C5: variants seen among roughly 807,000 people sequenced by gnomAD.
C5 encodes complement C5.
C5 carries 140 observed loss-of-function variants against 218.8 expected under a neutral mutation model. The observed-to-expected ratio is 0.64, with a 90% confidence interval of 0.56 to 0.74. The LOEUF is 0.74. Ranked by LOEUF, C5 falls within the 30% of genes least tolerant of loss-of-function variation. The pLI is 0.00. For synonymous variants in C5, 614 were observed against 682.3 expected (o/e 0.90, Z 1.56); for missense variants, 1,700 against 1,969.6 (o/e 0.86, Z 2.59).
intron 24 of C5, among the ~76,000 whole-genome samples, 194 bp from the exon 25 acceptor site, chr9:120,989,315 G>C (rs111963483): frequency 6.6e-6 from 1 of 152,266 alleles, no homozygotes; most frequent in African/African-American, 2.4e-5. Context: ...AGAACATTCT[G>C]ATCTCATTCG....
chr9:121,019,661 G>A (rs1387307041), intron 12 of C5, among the ~76,000 whole-genome samples: 1 of 152,120 alleles, frequency 6.6e-6, no homozygotes, highest in Non-Finnish European at 1.5e-5. Flanking sequence ...GAATAACTAG[G>A]CTCTCTTTGG....
intron 17 of C5, among the ~76,000 whole-genome samples, chr9:121,008,852 C>T (rs1432630646): frequency 6.6e-6 from 1 of 152,044 alleles, no homozygotes; most frequent in East Asian, 1.9e-4. Flanking sequence ...ATCACTTGAA[C>T]CTGGGAGGTA....
the C5 span, among the ~76,000 whole-genome samples, chr9:121,056,645 A>C: frequency 6.6e-6 from 1 of 152,182 alleles, no homozygotes; most frequent in Non-Finnish European, 1.5e-5. Context: ...GAATTTGTGA[A>C]GACAGGCTAT....
chr9:120,960,555 T>A (rs1246784692), intron 37 of C5, among the ~76,000 whole-genome samples: 1 of 152,212 alleles, frequency 6.6e-6, no homozygotes, highest in African/African-American at 2.4e-5. Flanking sequence ...CTTGAGCATG[T>A]CACAAGCTTG....
At chr9:120,977,555 A>G (rs933437826) in intron 28 of C5, among the ~76,000 whole-genome samples, 2 of 152,078 alleles carry the variant, frequency 1.3e-5, no homozygotes, top group Admixed American at 6.5e-5. Context: ...TCTTGGGCTC[A>G]GTGATTCTCC....
At chr9:121,067,288 C>T in the C5 span, among the ~76,000 whole-genome samples, 1 of 151,428 alleles carries the variant, frequency 6.6e-6, no homozygotes, top group Middle Eastern at 3.2e-3. Flanking sequence ...ATAGGCAGGG[C>T]GCGGTGGCTC....
chr9:120,960,177 G>T, intron 38 of C5, 71 bp downstream of exon 38: 2 of 975,922 alleles, frequency 2.0e-6, no homozygotes, highest in South Asian at 1.3e-5. Flanking sequence ...TAAAGTTTTT[G>T]ATCTTTCTAA....
chr9:120,994,454 G>A (rs531051793), intron 22 of C5, among the ~76,000 whole-genome samples: 1 of 152,092 alleles, frequency 6.6e-6, no homozygotes, highest in South Asian at 2.1e-4. Flanking sequence ...ATGGTGGTGA[G>A]TGCTTGTAAT....
chr9:121,021,739 T>C, intron 10 of C5, 45 bp from the exon 11 acceptor site: 1 of 1,409,416 alleles, frequency 7.1e-7, no homozygotes. Flanking sequence ...GCTCATCACT[T>C]ATTTTAAAGC....
chr9:121,025,574 T>TCAAC lies in C5; in HGVS notation c.879_880insGTTG (p.Asn294ValfsTer10). On this transcript the variant is annotated frameshift_variant, in exon 9 of 41. Transcript: ENST00000223642. LOFTEE classifies it high-confidence loss of function. ...TCAAATGTGACTTGAGCAATTCCAT[T>TCAAC]TATCAACTTTTTAAAAGGAGAAAAA... 1 of 1,612,262 alleles carries TCAAC rather than the reference T, an allele frequency of 6.2e-7. No homozygotes were observed. Among genetic ancestry groups the TCAAC allele is most frequent in the Non-Finnish European group, 8.5e-7 (1 of 1,179,528 alleles).
chr9:120,957,629 A>G (rs2046796059), intron 38 of C5, among the ~76,000 whole-genome samples: 1 of 152,218 alleles, frequency 6.6e-6, no homozygotes, highest in African/African-American at 2.4e-5. Context: ...AGCACATAAA[A>G]CAAACAAACA....
chr9:121,054,061 C>T (rs1391419301), upstream of C5, among the ~76,000 whole-genome samples: 2 of 152,018 alleles, frequency 1.3e-5, no homozygotes, highest in Non-Finnish European at 2.9e-5. Context: ...GCCAAAGAGA[C>T]CCCAGAAACA....
chr9:121,016,266 A>T lies in C5; in HGVS notation c.1984T>A (p.Ser662Thr). ...CTGAGCATTTTACCATTTTCTTGGG[A>T]GTCATCTGCATTTGCATTAGTGAGG... is the stretch of plus-strand genomic sequence containing the variant. ...TFLTNANADD[S>T]QENDEPCKEI... is the part of the protein sequence containing the mutation. The change falls in exon 15 of 41, where the codon TCC becomes ACC. Residue 662 changes from serine (S) to threonine (T), a missense_variant. Ser to Thr is a moderately conservative substitution (Grantham distance 58). Transcript: ENST00000223642. 1 of 1,614,028 alleles carries T rather than the reference A, an allele frequency of 6.2e-7. No homozygotes were observed. The highest frequency in any genetic ancestry group is 1.1e-5 in the South Asian group (1 of 91,078).
upstream of C5, among the ~76,000 whole-genome samples, chr9:121,053,246 G>A (rs945754271): frequency 2.0e-5 from 3 of 152,234 alleles, no homozygotes; most frequent in Non-Finnish European, 4.4e-5. Context: ...AGGCAGGTGG[G>A]TTATTCTAAG....
the C5 span, among the ~76,000 whole-genome samples, chr9:121,071,250 G>A: frequency 6.6e-6 from 1 of 152,130 alleles, no homozygotes; most frequent in African/African-American, 2.4e-5. Context: ...AACCCTGGAG[G>A]TGGAGGTTGC....
chr9:121,069,781 TG>T, the C5 span, among the ~76,000 whole-genome samples: 1 of 152,160 alleles, frequency 6.6e-6, no homozygotes, highest in Non-Finnish European at 1.5e-5. Flanking sequence ...CCCAAAGTGC[TG>T]GGATTACAGG....
At chr9:121,063,156 T>A in the C5 span, among the ~76,000 whole-genome samples, 1 of 151,270 alleles carries the variant, frequency 6.6e-6, no homozygotes, top group Non-Finnish European at 1.5e-5. Context: ...TTTATGTATA[T>A]GTTTGTGTTT....
intron 30 of C5, 106 bp from the exon 31 acceptor site, chr9:120,972,098 G>A (rs1345154063): frequency 1.2e-6 from 1 of 831,658 alleles, no homozygotes; most frequent in Non-Finnish European, 2.0e-6. Flanking sequence ...TCCTCTCTCA[G>A]AGCTCTTCTG....
At position 121,034,916 on chromosome 9, in the gene C5, C is replaced by T. The variant is rs751918287; in HGVS notation, c.493-22G>A. On this transcript the variant is annotated intron_variant, in intron 4 of 40. Transcript: ENST00000223642. ...GATCCTGTAAATAAAAACAAACACCCTCAAAGGCCAGAAACTACATTTTAA... is the reference window on the plus strand; with the variant it reads ...GATCCTGTAAATAAAAACAAACACCTTCAAAGGCCAGAAACTACATTTTAA... The T allele has an allele frequency of 4.0e-6, 5 of 1,251,822 alleles. No homozygotes were observed. In the Admixed American group the frequency reaches 5.2e-5, roughly 13 times the overall value. The allele number at this position is 1,251,822 out of a possible 1,614,324, so 77.5% of individuals were successfully genotyped here.
Sources: allele counts gnomAD v4.1 joint callset (sites outside exome capture counted in the v4.1 genomes callset), GRCh38; gene constraint gnomAD v4.1.1; transcripts MANE v1.5; gene names NCBI Gene and HGNC (gene_info 2026-07-23, HGNC 2026-07-21).